LRP6: variants seen among roughly 807,000 people sequenced by gnomAD.
LRP6 encodes the protein low-density lipoprotein receptor-related protein 6.
A neutral mutation model predicts 184.1 loss-of-function variants in LRP6; 43 were observed. The ratio of observed to expected loss-of-function variants is 0.23; its 90% CI spans 0.18 to 0.30. LRP6 has a LOEUF of 0.30. LRP6 is among the 10% of genes least tolerant of loss of function. The pLI is 1.00. For missense variants in LRP6, 1,571 were observed against 2,005.3 expected (o/e 0.78, Z 4.14); for synonymous variants, 719 against 684.9 (o/e 1.05, Z -0.78).
chr12:12,188,220 A>G (rs1293345501), intron 3 of LRP6, among the ~76,000 whole-genome samples: 1 of 151,708 alleles, frequency 6.6e-6, no homozygotes. Flanking sequence ...AAAAAAAAAA[A>G]AAAGAAAAAA....
At chr12:12,199,009 T>A (rs557198942) in intron 3 of LRP6, among the ~76,000 whole-genome samples, 1 of 152,290 alleles carries the variant, frequency 6.6e-6, no homozygotes, top group East Asian at 1.9e-4. Flanking sequence ...TGTTAAAATG[T>A]GCACTAGACA....
chr12:12,160,663 T>G (rs1862717476), intron 10 of LRP6, among the ~76,000 whole-genome samples: 1 of 152,212 alleles, frequency 6.6e-6, no homozygotes, highest in Non-Finnish European at 1.5e-5. Flanking sequence ...GTTTTGCACT[T>G]TAATCTTACA....
chr12:12,249,331 C>A, intron 1 of LRP6: 1 of 1,150,844 alleles, frequency 8.7e-7, no homozygotes, highest in Non-Finnish European at 1.3e-6. Context: ...GCAGAATTCA[C>A]AGCACCAAAG....
Position 12,266,671 on chromosome 12 carries a change from C to T in LRP6, c.55+10G>A, listed in dbSNP as rs370416656. The T allele has an allele frequency of 1.9e-6, 3 of 1,612,844 alleles. No individual in the cohort carries two copies. The highest frequency in any genetic ancestry group is 1.6e-4 in the Middle Eastern group (1 of 6,082). ...CCCCACCAACTTTCCAGTGCCCCCA[C>T]TCTTCCCACCTCTCAGGAGCACACA... is the stretch of plus-strand genomic sequence containing the variant. On this transcript the variant is annotated intron_variant, in intron 1 of 22. Coordinates refer to ENST00000261349, the MANE Select transcript of LRP6 (RefSeq NM_002336.3).
At chr12:12,202,183 T>C (rs182728688) in intron 3 of LRP6, among the ~76,000 whole-genome samples, 2 of 152,400 alleles carry the variant, frequency 1.3e-5, no homozygotes, top group Admixed American at 6.5e-5. Flanking sequence ...GTATGGTATA[T>C]GCAGTAGGTT....
chr12:12,131,392 G>C (rs1033263174), intron 18 of LRP6, among the ~76,000 whole-genome samples: 2 of 152,292 alleles, frequency 1.3e-5, no homozygotes, highest in East Asian at 3.9e-4. Flanking sequence ...ACAGGCGTGA[G>C]CCACCACGCC....
rs191315122 is a variant in LRP6 at position 12,193,370 on chromosome 12, G to A, written c.648-6251C>T. Among the ~76,000 whole-genome samples the A allele has an allele frequency of 2.5e-3, 366 of 148,500 alleles. 1 individual carries two copies. Among genetic ancestry groups the A allele is most frequent in the African/African-American group, 8.2e-3 (331 of 40,480 alleles). ...TAAGGAAGAAAATAAAAACATTAGGGTTAAAAAAAAAAAAGGCAATGAAAC... is the reference window on the plus strand; with the variant it reads ...TAAGGAAGAAAATAAAAACATTAGGATTAAAAAAAAAAAAGGCAATGAAAC... On this transcript the variant is annotated intron_variant, in intron 3 of 22. Transcript: ENST00000261349.
chr12:12,210,675 C>G (rs1411152418), intron 2 of LRP6, among the ~76,000 whole-genome samples: 2 of 152,136 alleles, frequency 1.3e-5, no homozygotes, highest in Non-Finnish European at 2.9e-5. Flanking sequence ...CTGAAAGGAC[C>G]TATAAAAAGC....
At chr12:12,181,524 A>C in intron 5 of LRP6, 85 bp from the exon 6 acceptor site, 1 of 771,620 alleles carries the variant, frequency 1.3e-6, no homozygotes, top group Non-Finnish European at 2.3e-6. Flanking sequence ...AGAACTGAAA[A>C]ATAAATATAA....
At chr12:12,206,210 CAT>C (rs2137049760) in intron 2 of LRP6, among the ~76,000 whole-genome samples, 1 of 152,286 alleles carries the variant, frequency 6.6e-6, no homozygotes, top group South Asian at 2.1e-4. Context: ...TTAAGCGACA[CAT>C]GACTATATAT....
At chr12:12,143,970 T>C (rs1267471448) in intron 15 of LRP6, among the ~76,000 whole-genome samples, 1 of 152,214 alleles carries the variant, frequency 6.6e-6, no homozygotes, top group Non-Finnish European at 1.5e-5. Context: ...AAGTAATTTC[T>C]CATCCCTCAA....
In LRP6 at chr12:12,231,180, C is replaced by CAAAAAAAAAAA. The variant is rs10661340; in HGVS notation, c.449+13071_449+13081dup. Among the ~76,000 whole-genome samples, 12 of 23,568 alleles carry CAAAAAAAAAAA rather than the reference C, an allele frequency of 5.1e-4. 2 individuals carry two copies. The highest frequency in any genetic ancestry group is 6.7e-4 in the African/African-American group (3 of 4,452). 15.5% of individuals were successfully genotyped at this position (23,568 alleles called of 152,430 possible). A position where few individuals can be genotyped will look rare whatever the true frequency, so the allele number is the denominator to read the frequency against. ...TGGATGACAGAGCAAGACTCCATCT[C>CAAAAAAAAAAA]AAAAAAAAAAAAAAAAAAAAAAAAA... On this transcript the variant is annotated intron_variant, in intron 2 of 22. Transcript: ENST00000261349.
chr12:12,131,825 A>G lies in LRP6; in HGVS notation c.3966T>C (p.Cys1322=). 6.2e-7 allele frequency: 1 copy of G among 1,613,798 alleles called. No individual in the cohort carries two copies. The highest frequency in any genetic ancestry group is 8.5e-7 in the Non-Finnish European group (1 of 1,179,672). ...GCACTGAAGAATTCTGGATACCTTC[A>G]CAGTTCTTCTCATCTGATTTGTCCT... ...NCQDKSDEKN[C]EVLCLIDQFR... The change falls in exon 18 of 23, where the codon TGT becomes TGC. Residue 1322 remains cysteine, a synonymous_variant. Transcript: ENST00000261349.
Position 12,266,977 on chromosome 12 carries a change from C to T in LRP6, c.-242G>A, listed in dbSNP as rs539610597. The T allele has an allele frequency of 5.6e-6, 3 of 536,776 alleles. No homozygotes were observed. The highest frequency in any genetic ancestry group is 3.4e-5 in the East Asian group (1 of 29,786). 33.3% of individuals were successfully genotyped at this position (536,776 alleles called of 1,614,324 possible). On this transcript the variant is annotated 5_prime_UTR_variant, in exon 1 of 23. Coordinates refer to ENST00000261349, the MANE Select transcript of LRP6 (RefSeq NM_002336.3). Reference sequence around the variant, plus strand: ...CTGCTTCCATCCCGCCGCCTCCTCCCCCGGCGCCCCGCTTCCCCCGCGCAG... The same window carrying T: ...CTGCTTCCATCCCGCCGCCTCCTCCTCCGGCGCCCCGCTTCCCCCGCGCAG...
chr12:12,144,549 G>C (rs1270627254), intron 15 of LRP6, among the ~76,000 whole-genome samples: 1 of 152,210 alleles, frequency 6.6e-6, no homozygotes. Flanking sequence ...GCTGAGGCAG[G>C]AGGACTGTTT....
At position 12,179,885 on chromosome 12, in the gene LRP6, A is replaced by T; in HGVS notation, c.1470T>A (p.Gly490=). 1 of 1,613,990 alleles carries T rather than the reference A, an allele frequency of 6.2e-7. No individual in the cohort carries two copies. Among genetic ancestry groups the T allele is most frequent in the Non-Finnish European group, 8.5e-7 (1 of 1,179,884 alleles). ...DRVVLVNTSL[G]WPNGLALDYD... ...AATCCAAGGCTAAACCATTTGGCCA[A>T]CCAAGAGAAGTGTTAACCAATACTA... The change falls in exon 7 of 23, where the codon GGT becomes GGA. Residue 490 remains glycine (G), a synonymous_variant. Coordinates refer to ENST00000261349, the MANE Select transcript of LRP6 (RefSeq NM_002336.3).
chr12:12,201,694 CAAAAAA>C (rs1295397139), intron 3 of LRP6, among the ~76,000 whole-genome samples: 1 of 152,016 alleles, frequency 6.6e-6, no homozygotes, highest in Non-Finnish European at 1.5e-5. Flanking sequence ...AAAACAAAAA[CAAAAAA>C]ACTATGACAT....
At chr12:12,264,762 AATAAT>A (rs1314302198) in intron 1 of LRP6, among the ~76,000 whole-genome samples, 3 of 140,058 alleles carry the variant, frequency 2.1e-5, no homozygotes, top group Admixed American at 7.1e-5. Context: ...TTTTACTTCA[AATAAT>A]ATGTACTCAC....
intron 2 of LRP6, among the ~76,000 whole-genome samples, chr12:12,242,357 A>T (rs1279599519): frequency 2.0e-5 from 3 of 152,198 alleles, no homozygotes; most frequent in Admixed American, 2.0e-4. Flanking sequence ...CTCTGAACAT[A>T]ATAACCATTT....
Sources: allele counts gnomAD v4.1 joint callset (sites outside exome capture counted in the v4.1 genomes callset), GRCh38; gene constraint gnomAD v4.1.1; transcripts MANE v1.5; gene names NCBI Gene and HGNC (gene_info 2026-07-23, HGNC 2026-07-21).